Variants in KRT73 observed in about 807,000 individuals in gnomAD.
The protein encoded by KRT73 is keratin 73.
KRT73 carries 44 observed loss-of-function variants against 47.2 expected under a neutral mutation model. That is an observed-to-expected ratio of 0.93 (90% CI 0.73 to 1.20). The LOEUF (loss-of-function observed/expected upper bound fraction) is 1.20. Ranked by LOEUF, KRT73 falls within the 50% of genes most tolerant of loss-of-function variation. The pLI, the probability that KRT73 is intolerant of heterozygous loss-of-function variation, is 0.00. For missense variants in KRT73, 713 were observed against 704.5 expected (o/e 1.01, Z -0.14); for synonymous variants, 285 against 291.3 (o/e 0.98, Z 0.22).
Position 52,618,418 on chromosome 12 carries a change from C to T in KRT73, c.107G>A (p.Gly36Asp). The change falls in exon 1 of 9, where the codon GGC (glycine) becomes GAC (aspartate). Residue 36 changes from glycine to aspartate, a missense_variant. By Grantham distance (94) the Gly-to-Asp change is moderately conservative (BLOSUM62 -1). Transcript: ENST00000305748. ...GGSSSSYRAGGKGLSGGFSSR... is the reference protein window; with the variant it reads ...GGSSSSYRAGDKGLSGGFSSR... ...GCTGAAGCCTCCACTGAGCCCTTTG[C>T]CCCCTGCTCGGTAGGAGGATGAGCT... The T allele has an allele frequency of 3.1e-6, 5 of 1,614,146 alleles. No homozygotes were observed. The highest frequency in any genetic ancestry group is 4.2e-6 in the Non-Finnish European group (5 of 1,180,022).
At position 52,615,220 on chromosome 12, in the gene KRT73, C is replaced by G. The variant is rs1196845109; in HGVS notation, c.723+59G>C. On this transcript the variant is annotated intron_variant, in intron 3 of 8. Coordinates refer to ENST00000305748, the MANE Select transcript of KRT73 (RefSeq NM_175068.3). Reference sequence around the variant, plus strand: ...GGGGGCTCAGACCTCAGCTGCTCCTCTCTCTTAGCCCAGCACCCACTGCTG... The same window carrying G: ...GGGGGCTCAGACCTCAGCTGCTCCTGTCTCTTAGCCCAGCACCCACTGCTG... 11 of 1,453,092 alleles carry G rather than the reference C, an allele frequency of 7.6e-6. No homozygotes were observed. In the East Asian group the frequency reaches 2.5e-4, roughly 33 times the overall value. The allele number at this position is 1,453,092 out of a possible 1,614,324, so 90.0% of individuals were successfully genotyped here.
rs61736102 is a variant in KRT73, at chr12:52,618,171, G to A, written c.354C>T (p.Asn118=). The change falls in exon 1 of 9, where the codon AAC becomes AAT. Residue 118 remains asparagine (N), a synonymous_variant. Transcript: ENST00000305748. The part of the protein sequence containing the change: ...TINKSLLAPL[N]VELDPEIQKV... Reference sequence around the variant, plus strand: ...TCTGGATTTCAGGGTCCAGCTCCACGTTCAGGGGTGCCAGGAGGCTCTTGT... The same window carrying A: ...TCTGGATTTCAGGGTCCAGCTCCACATTCAGGGGTGCCAGGAGGCTCTTGT... 253,471 of 1,613,860 alleles carry A rather than the reference G, an allele frequency of 0.16. 22,532 individuals are homozygous for A. The highest frequency in any genetic ancestry group is 0.46 in the East Asian group (20,580 of 44,854).
At chr12:52,620,107 T>C (rs1452379182), upstream of KRT73, among the ~76,000 whole-genome samples, 1 of 133,086 alleles carries the variant, frequency 7.5e-6, no homozygotes, top group Non-Finnish European at 1.5e-5. Flanking sequence ...ATTCCTTTTT[T>C]TCTTTTTTTT....
Position 52,616,312 on chromosome 12 carries a change from C to T in KRT73, c.516G>A (p.Leu172=). The T allele has an allele frequency of 6.2e-7, 1 of 1,614,184 alleles. No homozygotes were observed. The highest frequency in any genetic ancestry group is 1.7e-5 in the Admixed American group (1 of 60,030). The stretch of plus-strand genomic sequence containing the variant: ...GCTCCAGGTTATTCTTGCAGTTGTT[C>T]AGGTCCAGCTGCTGTAGCAGCTCCC... ...TKWELLQQLD[L]NNCKNNLEPI... The change falls in exon 2 of 9, where the codon CTG becomes CTA. Residue 172 remains leucine (L), a synonymous_variant. Transcript: ENST00000305748.
the KRT73 span, among the ~76,000 whole-genome samples, chr12:52,628,212 A>G: frequency 6.6e-6 from 1 of 152,104 alleles, no homozygotes; most frequent in African/African-American, 2.4e-5. Flanking sequence ...TGCCTGAAGT[A>G]TGGCCCTTAT....
At position 52,607,889 on chromosome 12, in the gene KRT73, C is replaced by A; in HGVS notation, c.*307G>T. 3.3e-6 allele frequency: 1 copy of A among 301,002 alleles called. No homozygotes were observed. The highest frequency in any genetic ancestry group is 7.6e-5 in the South Asian group (1 of 13,144). 18.6% of individuals were successfully genotyped at this position (301,002 alleles called of 1,614,324 possible). On this transcript the variant is annotated 3_prime_UTR_variant, in exon 9 of 9. Coordinates refer to ENST00000305748, the MANE Select transcript of KRT73 (RefSeq NM_175068.3). ...GCAGCACAGGCAGATTGGGGTTACC[C>A]TTGAGAGACAGCCTTCCTCTGCACA... is the stretch of plus-strand genomic sequence containing the variant.
At chr12:52,626,484 C>A in the KRT73 span, among the ~76,000 whole-genome samples, 1 of 152,196 alleles carries the variant, frequency 6.6e-6, no homozygotes, top group African/African-American at 2.4e-5. Context: ...AGCCTGAACC[C>A]ACTCTCAGGA....
the KRT73 span, among the ~76,000 whole-genome samples, chr12:52,628,175 C>T: frequency 6.6e-6 from 1 of 152,140 alleles, no homozygotes; most frequent in Non-Finnish European, 1.5e-5. Flanking sequence ...CAGCAGGTCA[C>T]ACTGGACATC....
chr12:52,618,227 G>A lies in KRT73; in HGVS notation c.298C>T (p.Pro100Ser). ...ALGSVCPSLCPPGGIHQVTIN... is the reference protein window; with the variant it reads ...ALGSVCPSLCSPGGIHQVTIN... The stretch of plus-strand genomic sequence containing the variant: ...GTGACCTGATGGATACCCCCGGGCG[G>A]GCACAACGACGGACACACGGACCCC... The change falls in exon 1 of 9, where the codon CCG becomes TCG. Residue 100 changes from proline to serine, a missense_variant. Physicochemically the swap from Pro to Ser is moderately conservative, Grantham distance 74. Coordinates refer to ENST00000305748, the MANE Select transcript of KRT73 (RefSeq NM_175068.3). 6.2e-7 allele frequency: 1 copy of A among 1,614,154 alleles called. No homozygotes were observed. The highest frequency in any genetic ancestry group is 8.5e-7 in the Non-Finnish European group (1 of 1,180,030).
chr12:52,622,133 A>G (rs150113762), upstream of KRT73, among the ~76,000 whole-genome samples: 1 of 151,570 alleles, frequency 6.6e-6, no homozygotes, highest in East Asian at 1.9e-4. Context: ...AAATTGAATG[A>G]AAAAAAAAGA....
At chr12:52,625,641 C>G in the KRT73 span, among the ~76,000 whole-genome samples, 6 of 152,276 alleles carry the variant, frequency 3.9e-5, no homozygotes, top group East Asian at 5.8e-4. Context: ...GATCATTTAT[C>G]CCAGAGAAAT....
chr12:52,630,038 C>A, the KRT73 span, among the ~76,000 whole-genome samples: 1 of 152,216 alleles, frequency 6.6e-6, no homozygotes, highest in Non-Finnish European at 1.5e-5. Context: ...GTCTCCCAGC[C>A]TTTCTCAACA....
chr12:52,621,474 G>A (rs1161721988), upstream of KRT73, among the ~76,000 whole-genome samples: 2 of 152,272 alleles, frequency 1.3e-5, no homozygotes, highest in East Asian at 3.9e-4. Context: ...CTGAAGCGTA[G>A]AGAAGAAGGC....
At chr12:52,611,086 A>G in intron 6 of KRT73, 118 bp downstream of exon 6, 2 of 1,292,904 alleles carry the variant, frequency 1.5e-6, no homozygotes, top group Non-Finnish European at 2.2e-6. Context: ...TGAGAGCAGG[A>G]CCTCCATTTG....
rs115150325 is a variant in KRT73, at chr12:52,615,977, A to G, written c.662+189T>C. ...CATGCCAAGGAGGGGATCACCTGCCAGGACAGCCCTGACGCTGCCCAAGAG... is the reference window on the plus strand; with the variant it reads ...CATGCCAAGGAGGGGATCACCTGCCGGGACAGCCCTGACGCTGCCCAAGAG... On this transcript the variant is annotated intron_variant, in intron 2 of 8. Transcript: ENST00000305748. 6.8e-3 allele frequency among the ~76,000 whole-genome samples: 1,036 copies of G among 152,294 alleles called. 6 individuals are homozygous for G. Among genetic ancestry groups the G allele is most frequent in the African/African-American group, 0.023 (977 of 41,576 alleles).
intron 1 of KRT73, among the ~76,000 whole-genome samples, 176 bp downstream of exon 1, chr12:52,617,902 C>A (rs545180202): frequency 5.9e-5 from 9 of 152,330 alleles, no homozygotes; most frequent in East Asian, 1.9e-4. Context: ...ACGGCATGAG[C>A]AAGCCTTATG....
At chr12:52,611,911 T>C (rs1305730574) in intron 5 of KRT73, among the ~76,000 whole-genome samples, 1 of 152,182 alleles carries the variant, frequency 6.6e-6, no homozygotes, top group Middle Eastern at 3.2e-3. Context: ...TTGGGTGCAA[T>C]TCTATTCCGT....
chr12:52,615,630 C>A (rs1198382772), intron 2 of KRT73, among the ~76,000 whole-genome samples: 1 of 152,044 alleles, frequency 6.6e-6, no homozygotes, highest in Non-Finnish European at 1.5e-5. Flanking sequence ...AGAAGCATGC[C>A]AGCTACCCCT....
the KRT73 span, among the ~76,000 whole-genome samples, chr12:52,630,637 A>G: frequency 6.6e-6 from 1 of 151,656 alleles, no homozygotes; most frequent in Admixed American, 6.6e-5. Context: ...ATCTATCTTA[A>G]CCCCACTCTC....
Sources: gnomAD v4.1 joint callset for allele counts (sites outside exome capture counted in the v4.1 genomes callset) on GRCh38, gnomAD v4.1.1 for gene constraint, MANE v1.5 for transcripts, NCBI Gene and HGNC (gene_info 2026-07-23, HGNC 2026-07-21) for gene names.